Variants in IQCM observed in about 807,000 individuals in gnomAD.
The protein encoded by IQCM is IQ domain-containing protein M.
IQCM carries 45 observed loss-of-function variants against 57.6 expected under a neutral mutation model. That is an observed-to-expected ratio of 0.78 (90% CI 0.62 to 1.00). IQCM has a LOEUF of 1.00. Ranked by LOEUF, IQCM falls within the 50% of genes least tolerant of loss-of-function variation. The probability of loss-of-function intolerance (pLI) is 0.00; values close to 1 mark genes in which losing one functional copy is unlikely to be tolerated. For missense variants in IQCM, 468 were observed against 511.6 expected (o/e 0.91, Z 0.82); for synonymous variants, 148 against 158.9 (o/e 0.93, Z 0.51).
chr4:149,468,347 G>C (rs1739100212), intron 12 of IQCM, among the ~76,000 whole-genome samples: 3 of 152,208 alleles, frequency 2.0e-5, no homozygotes, highest in Admixed American at 2.0e-4. Context: ...ATAGCTCAGA[G>C]GGTCCCACAC....
At chr4:149,424,604 T>C (rs1003779036) in intron 13 of IQCM, among the ~76,000 whole-genome samples, 1 of 151,866 alleles carries the variant, frequency 6.6e-6, no homozygotes, top group African/African-American at 2.4e-5. Context: ...TCATTTTATG[T>C]AACTATATGA....
At chr4:149,484,587 T>C (rs1391799833) in intron 12 of IQCM, among the ~76,000 whole-genome samples, 1 of 151,978 alleles carries the variant, frequency 6.6e-6, no homozygotes, top group African/African-American at 2.4e-5. Flanking sequence ...GCAAAAAAAA[T>C]TAAAAACTCT....
intron 13 of IQCM, among the ~76,000 whole-genome samples, chr4:149,358,243 C>T (rs547874841): frequency 2.6e-5 from 4 of 152,124 alleles, no homozygotes; most frequent in Non-Finnish European, 5.9e-5. Context: ...GTCTCTAGTT[C>T]CTTCAGTTCT....
intron 13 of IQCM, among the ~76,000 whole-genome samples, chr4:149,368,876 ACG>A (rs1491405538): frequency 1.1e-5 from 1 of 87,752 alleles, no homozygotes; most frequent in Non-Finnish European, 2.3e-5. Context: ...ACATATATAC[ACG>A]TGTATATATA....
At chr4:149,751,652 A>T (rs1768455868) in intron 2 of IQCM, among the ~76,000 whole-genome samples, 1 of 152,118 alleles carries the variant, frequency 6.6e-6, no homozygotes, top group Admixed American at 6.5e-5. Flanking sequence ...ATGTCTAAAA[A>T]CATTTATGAC....
At chr4:149,403,481 G>GT (rs1403570400) in intron 13 of IQCM, among the ~76,000 whole-genome samples, 1 of 151,892 alleles carries the variant, frequency 6.6e-6, no homozygotes, top group Non-Finnish European at 1.5e-5. Context: ...AAGATGCTGA[G>GT]TTTGAGAGCA....
At chr4:149,448,029 TAAATTGACATTGACAA>T (rs1736699832) in intron 12 of IQCM, among the ~76,000 whole-genome samples, 1 of 151,614 alleles carries the variant, frequency 6.6e-6, no homozygotes, top group African/African-American at 2.4e-5. Context: ...ATAACTTAAC[TAAATTGACATTGACAA>T]AACATTTCAA....
chr4:149,496,029 T>C (rs1178775456), intron 12 of IQCM, among the ~76,000 whole-genome samples: 1 of 152,134 alleles, frequency 6.6e-6, no homozygotes, highest in Non-Finnish European at 1.5e-5. Flanking sequence ...GTCAATGATA[T>C]TCTGCAACTG....
chr4:149,532,633 T>C (rs1271009866), intron 12 of IQCM, among the ~76,000 whole-genome samples: 1 of 152,076 alleles, frequency 6.6e-6, no homozygotes, highest in Non-Finnish European at 1.5e-5. Flanking sequence ...CACTACTAAT[T>C]TTAAAGGAAA....
chr4:149,678,238 A>T (rs1448341148), intron 7 of IQCM, among the ~76,000 whole-genome samples: 1 of 151,854 alleles, frequency 6.6e-6, no homozygotes. Context: ...TGATAATCAG[A>T]CCCTCAAAGG....
chr4:149,665,434 T>C (rs78292008), intron 7 of IQCM, among the ~76,000 whole-genome samples: 3,445 of 152,206 alleles, frequency 0.023, 114 homozygotes, highest in African/African-American at 0.078. Context: ...AGACAGTGTA[T>C]CAGAGGCAGG....
chr4:149,458,447 G>T (rs1470374492), intron 12 of IQCM, among the ~76,000 whole-genome samples: 2 of 152,016 alleles, frequency 1.3e-5, no homozygotes, highest in Non-Finnish European at 2.9e-5. Flanking sequence ...TAAGAAATAA[G>T]TGAAAATAAA....
chr4:149,455,809 TTC>T (rs1200486599), intron 12 of IQCM, among the ~76,000 whole-genome samples: 2 of 151,814 alleles, frequency 1.3e-5, no homozygotes, highest in East Asian at 3.9e-4. Context: ...TCTACAAATT[TTC>T]TTTTTTTTTT....
At chr4:149,380,219 CGTGTGTGTGTGT>C (rs375972746) in intron 13 of IQCM, among the ~76,000 whole-genome samples, 1 of 148,252 alleles carries the variant, frequency 6.7e-6, no homozygotes, top group Admixed American at 6.7e-5. Flanking sequence ...TGAATGTGCT[CGTGTGTGTGTGT>C]GTGTGTGTGT....
At chr4:149,636,780 T>A (rs2150106363) in intron 7 of IQCM, among the ~76,000 whole-genome samples, 1 of 152,334 alleles carries the variant, frequency 6.6e-6, no homozygotes, top group Admixed American at 6.5e-5. Context: ...AAGCTGTTTT[T>A]ATTAACAGAT....
intron 2 of IQCM, among the ~76,000 whole-genome samples, chr4:149,808,613 T>C (rs1304089329): frequency 6.6e-6 from 1 of 152,188 alleles, no homozygotes; most frequent in Admixed American, 6.6e-5. Context: ...ATTACCTTGA[T>C]TTGATCATTA....
At chr4:149,567,827 A>C (rs1445333736) in intron 9 of IQCM, among the ~76,000 whole-genome samples, 1 of 152,092 alleles carries the variant, frequency 6.6e-6, no homozygotes, top group African/African-American at 2.4e-5. Context: ...ATGTTATAAC[A>C]ATTTTATTTT....
intron 12 of IQCM, among the ~76,000 whole-genome samples, chr4:149,448,229 G>T (rs1736722806): frequency 6.6e-6 from 1 of 151,558 alleles, no homozygotes; most frequent in Admixed American, 6.6e-5. Flanking sequence ...ATAGCTGAAA[G>T]ATTTTGAAAA....
At chr4:149,601,797 G>A (rs1754319926) in intron 8 of IQCM, among the ~76,000 whole-genome samples, 2 of 152,058 alleles carry the variant, frequency 1.3e-5, no homozygotes, top group African/African-American at 2.4e-5. Context: ...GGTGGCTCAT[G>A]CCTGTAATCC....
Sources: gnomAD v4.1 joint callset for allele counts (sites outside exome capture counted in the v4.1 genomes callset) on GRCh38, gnomAD v4.1.1 for gene constraint, MANE v1.5 for transcripts, NCBI Gene and HGNC (gene_info 2026-07-23, HGNC 2026-07-21) for gene names.